Variants in SCIN observed in about 807,000 individuals in gnomAD.
SCIN encodes the protein scinderin.
In SCIN, 91 loss-of-function variants were observed where a neutral mutation model predicts 91.8. The observed-to-expected ratio is 0.99, with a 90% CI of 0.84 to 1.18. The LOEUF is 1.18. Among genes scored for constraint, SCIN ranks in the 50% most tolerant of loss-of-function variants. The pLI is 0.00. For synonymous variants in SCIN, 367 were observed against 312.6 expected (o/e 1.17, Z -1.84); for missense variants, 1,087 against 863.9 (o/e 1.26, Z -3.24).
At chr7:12,586,954 G>T (rs571732735) in intron 3 of SCIN, among the ~76,000 whole-genome samples, 1 of 152,032 alleles carries the variant, frequency 6.6e-6, no homozygotes, top group Non-Finnish European at 1.5e-5. Flanking sequence ...CTAGGGAGAG[G>T]TTAATTAACA....
intron 9 of SCIN, among the ~76,000 whole-genome samples, chr7:12,630,999 C>T (rs113672291): frequency 6.6e-6 from 1 of 152,074 alleles, no homozygotes; most frequent in Non-Finnish European, 1.5e-5. Flanking sequence ...TCTTAATTCT[C>T]TTTTGAATAT....
At chr7:12,584,420 A>G (rs77083126) in intron 3 of SCIN, among the ~76,000 whole-genome samples, 1,787 of 152,338 alleles carry the variant, frequency 0.012, 23 homozygotes, top group African/African-American at 0.028. Flanking sequence ...CCTTGATCAT[A>G]TATCAGAGAA....
chr7:12,633,954 T>C (rs1783696246), intron 9 of SCIN, among the ~76,000 whole-genome samples: 1 of 141,978 alleles, frequency 7.0e-6, no homozygotes, highest in Admixed American at 8.1e-5. Context: ...CTTATCAACA[T>C]TTGTGTGCAT....
intron 4 of SCIN, among the ~76,000 whole-genome samples, chr7:12,608,321 G>GAACACACA (rs147926952): frequency 1.3e-5 from 2 of 148,680 alleles, no homozygotes; most frequent in South Asian, 4.3e-4. Context: ...ATGCACACAT[G>GAACACACA]CACACACACA....
intron 13 of SCIN, among the ~76,000 whole-genome samples, chr7:12,647,979 T>A (rs1352594467): frequency 6.6e-6 from 1 of 152,042 alleles, no homozygotes; most frequent in Non-Finnish European, 1.5e-5. Flanking sequence ...CACCGCAAAG[T>A]CACATGCCAG....
At position 12,570,824 on chromosome 7, in the gene SCIN, C is replaced by T. The variant is rs970604913; in HGVS notation, c.38C>T (p.Ala13Val). Residue 13 changes from alanine (A) to valine (V), a missense_variant, in exon 1 of 16, where the codon GCG becomes GTG. Physicochemically the swap from Ala to Val is moderately conservative, Grantham distance 64 (BLOSUM62 0). Coordinates refer to ENST00000297029, the MANE Select transcript of SCIN (RefSeq NM_001112706.3). ...CTATACCACGAAGAGTTCGCCCGGG[C>T]GGGCAAGCAGGCGGGGCTGCAGGTC... ...RELYHEEFAR[A>V]GKQAGLQVWR... is the part of the protein sequence containing the mutation. 2.9e-5 allele frequency: 45 copies of T among 1,551,474 alleles called. No individual in the cohort carries two copies. The East Asian group carries it at 1.0e-3, about 35-fold the overall frequency.
chr7:12,571,011 C>T (rs559114429), intron 1 of SCIN, 26 bp downstream of exon 1: 5 of 1,540,634 alleles, frequency 3.2e-6, no homozygotes, highest in Non-Finnish European at 4.4e-6. Flanking sequence ...CGGCGGGACC[C>T]CGACGCACCA....
chr7:12,582,612 CTGAAT>C (rs2115214009), intron 3 of SCIN, among the ~76,000 whole-genome samples: 1 of 152,242 alleles, frequency 6.6e-6, no homozygotes, highest in African/African-American at 2.4e-5. Flanking sequence ...TACCTTTGCC[CTGAAT>C]CTCACAATAA....
At chr7:12,643,709 C>T (rs986532189) in intron 11 of SCIN, among the ~76,000 whole-genome samples, 2 of 152,194 alleles carry the variant, frequency 1.3e-5, no homozygotes, top group Non-Finnish European at 2.9e-5. Flanking sequence ...GCAAATCACC[C>T]CTGCCTTCTT....
chr7:12,604,415 A>T, intron 3 of SCIN, 99 bp from the exon 4 acceptor site: 1 of 1,060,332 alleles, frequency 9.4e-7, no homozygotes, highest in Non-Finnish European at 1.4e-6. Flanking sequence ...TAGGTCATTT[A>T]ATTTTCCTTT....
chr7:12,571,034 G>T (rs920673681), intron 1 of SCIN, 49 bp downstream of exon 1: 1 of 1,515,352 alleles, frequency 6.6e-7, no homozygotes, highest in African/African-American at 1.4e-5. Context: ...GCCGGCGAGG[G>T]GAGGGCGTAG....
intron 11 of SCIN, 148 bp from the exon 12 acceptor site, chr7:12,643,990 A>G: frequency 1.5e-6 from 1 of 667,446 alleles, no homozygotes; most frequent in Non-Finnish European, 2.5e-6. Context: ...AAAATACCAT[A>G]GTGGTGTCCC....
intron 4 of SCIN, among the ~76,000 whole-genome samples, chr7:12,605,962 T>C (rs1783073807): frequency 6.6e-6 from 1 of 152,206 alleles, no homozygotes; most frequent in Non-Finnish European, 1.5e-5. Context: ...GACCAAACTT[T>C]GTCTTTTAAG....
At chr7:12,588,600 G>A (rs570729630) in intron 3 of SCIN, among the ~76,000 whole-genome samples, 1 of 151,932 alleles carries the variant, frequency 6.6e-6, no homozygotes, top group South Asian at 2.1e-4. Flanking sequence ...GTTGTTTGTT[G>A]GTTAACCTTA....
At chr7:12,604,478 A>G in intron 3 of SCIN, 36 bp from the exon 4 acceptor site, 1 of 1,541,638 alleles carries the variant, frequency 6.5e-7, no homozygotes, top group Non-Finnish European at 8.8e-7. Context: ...TCTTCCTCAT[A>G]TTCTTAGGGT....
In SCIN at chr7:12,648,831, G is replaced by C. The variant is rs911502234; in HGVS notation, c.1882-636G>C. 2.6e-5 allele frequency among the ~76,000 whole-genome samples: 4 copies of C among 152,128 alleles called. 1 individual carries two copies. Among genetic ancestry groups the C allele is most frequent in the Admixed American group, 2.0e-4 (3 of 15,268 alleles). On this transcript the variant is annotated intron_variant, in intron 13 of 15. Transcript: ENST00000297029. The stretch of plus-strand genomic sequence containing the variant: ...TACGCTTAAATATATAGTTTATTGA[G>C]ATGCAAGGCTTGAGGATAGCCACCC...
intron 9 of SCIN, among the ~76,000 whole-genome samples, chr7:12,635,770 T>C (rs977685392): frequency 5.9e-5 from 9 of 151,808 alleles, no homozygotes; most frequent in Non-Finnish European, 8.8e-5. Flanking sequence ...TAAAATCAGG[T>C]GAACCCAATT....
chr7:12,637,485 G>A (rs954256160), intron 10 of SCIN, among the ~76,000 whole-genome samples: 1 of 151,750 alleles, frequency 6.6e-6, no homozygotes, highest in Non-Finnish European at 1.5e-5. Flanking sequence ...AGAAAAGACA[G>A]GGAGAAAGGG....
intron 10 of SCIN, among the ~76,000 whole-genome samples, chr7:12,636,845 C>T (rs1783762526): frequency 1.3e-5 from 2 of 152,060 alleles, no homozygotes; most frequent in South Asian, 2.1e-4. Context: ...GCTAGTTACC[C>T]TAATTTGATC....
Sources: allele counts gnomAD v4.1 joint callset (sites outside exome capture counted in the v4.1 genomes callset), GRCh38; gene constraint gnomAD v4.1.1; transcripts MANE v1.5; gene names NCBI Gene and HGNC (gene_info 2026-07-23, HGNC 2026-07-21).